Variants in TLN2 observed in about 807,000 individuals in gnomAD.
TLN2 encodes talin-2.
A neutral mutation model predicts 294.7 loss-of-function variants in TLN2; 118 were observed. That is an observed-to-expected ratio of 0.40 (90% CI 0.34 to 0.47). The LOEUF is 0.47. Among genes scored for constraint, TLN2 ranks in the 20% least tolerant of loss-of-function variants. The pLI is 0.84. For missense variants in TLN2, 3,083 were observed against 3,282.2 expected (o/e 0.94, Z 1.48); for synonymous variants, 1,431 against 1,304.5 (o/e 1.10, Z -2.09).
chr15:62,597,836 A>G (rs35909407), intron 2 of TLN2, among the ~76,000 whole-genome samples: 42,222 of 152,138 alleles, frequency 0.28, 6,139 homozygotes, highest in East Asian at 0.43. Context: ...AATTTTATAC[A>G]TCATTTAAAA....
chr15:62,740,941 CAT>C (rs1396009715), intron 32 of TLN2, among the ~76,000 whole-genome samples, 172 bp downstream of exon 32: 2 of 152,312 alleles, frequency 1.3e-5, no homozygotes, highest in East Asian at 3.9e-4. Flanking sequence ...AAAACTGGCT[CAT>C]TTCCATGTTC....
intron 45 of TLN2, among the ~76,000 whole-genome samples, chr15:62,790,134 C>A (rs955563311): frequency 1.1e-4 from 16 of 152,208 alleles, no homozygotes; most frequent in African/African-American, 3.9e-4. Context: ...GTCACCAAAG[C>A]AAAACACAGA....
intron 1 of TLN2, among the ~76,000 whole-genome samples, chr15:62,391,665 G>A (rs1399808216): frequency 6.6e-6 from 1 of 152,158 alleles, no homozygotes; most frequent in Non-Finnish European, 1.5e-5. Flanking sequence ...GCGCGGAGGC[G>A]GCCGCACAAG....
At chr15:62,659,539 C>T (rs1314557502) in intron 9 of TLN2, among the ~76,000 whole-genome samples, 1 of 152,184 alleles carries the variant, frequency 6.6e-6, no homozygotes, top group Non-Finnish European at 1.5e-5. Flanking sequence ...AAAATTAGGT[C>T]CTGCAGTTTG....
At chr15:62,703,196 G>C (rs991557528) in intron 19 of TLN2, among the ~76,000 whole-genome samples, 1 of 151,466 alleles carries the variant, frequency 6.6e-6, no homozygotes, top group East Asian at 1.9e-4. Context: ...TCCATCTCCC[G>C]GGTTCAAGCA....
At position 62,417,464 on chromosome 15, in the gene TLN2, A is replaced by T. The variant is rs139437578; in HGVS notation, c.-238+26779A>T. On this transcript the variant is annotated intron_variant, in intron 1 of 58. Transcript: ENST00000636159. The stretch of plus-strand genomic sequence containing the variant: ...TTGCTTTACTGTGTCCTCATTAAGG[A>T]CTTTCCAAGAAACTTTGAGTTAAAT... Among the ~76,000 whole-genome samples the T allele has an allele frequency of 2.7e-3, 410 of 152,298 alleles. 1 individual carries two copies. Among genetic ancestry groups the T allele is most frequent in the Middle Eastern group, 0.02 (6 of 294 alleles).
At chr15:62,740,161 T>C (rs761703082) in intron 31 of TLN2, among the ~76,000 whole-genome samples, 1 of 152,100 alleles carries the variant, frequency 6.6e-6, no homozygotes, top group African/African-American at 2.4e-5. Flanking sequence ...GTGAGAAATG[T>C]GTGCTTTCCC....
chr15:62,573,119 A>G lies in TLN2; in HGVS notation c.-237-16568A>G, dbSNP rs112972918. Among the ~76,000 whole-genome samples, 72 of 152,178 alleles carry G rather than the reference A, an allele frequency of 4.7e-4. No homozygotes were observed. In the Middle Eastern group the frequency reaches 0.01, roughly 22 times the overall value. On this transcript the variant is annotated intron_variant, in intron 1 of 58. Coordinates refer to ENST00000636159, the MANE Select transcript of TLN2 (RefSeq NM_015059.3). ...CTTCCAATCAGCATCCGGTGTTTAT[A>G]ACCACATCCTGAGCCAGGTGTGGTT...
At chr15:62,655,263 A>G (rs1428815952) in intron 7 of TLN2, among the ~76,000 whole-genome samples, 4 of 152,136 alleles carry the variant, frequency 2.6e-5, no homozygotes, top group Non-Finnish European at 4.4e-5. Context: ...TTAACCCACA[A>G]TGTGTTTGAA....
At chr15:62,762,834 A>G (rs947867948) in intron 39 of TLN2, among the ~76,000 whole-genome samples, 2 of 152,184 alleles carry the variant, frequency 1.3e-5, no homozygotes, top group Non-Finnish European at 2.9e-5. Flanking sequence ...GAGTTTAGTC[A>G]TTGAGCACCG....
intron 1 of TLN2, among the ~76,000 whole-genome samples, chr15:62,571,647 G>A (rs930613015): frequency 1.3e-5 from 2 of 152,236 alleles, no homozygotes; most frequent in East Asian, 1.9e-4. Context: ...TAGAGGCAAT[G>A]GTAGGCTCCC....
chr15:62,592,684 A>G (rs529291043), intron 2 of TLN2, among the ~76,000 whole-genome samples: 5 of 152,254 alleles, frequency 3.3e-5, no homozygotes, highest in Non-Finnish European at 7.3e-5. Flanking sequence ...TGAACAATGT[A>G]ACCAATCAAT....
chr15:62,770,626 G>A (rs2063296660), intron 41 of TLN2, among the ~76,000 whole-genome samples: 1 of 152,094 alleles, frequency 6.6e-6, no homozygotes, highest in Non-Finnish European at 1.5e-5. Flanking sequence ...TTCCTCCTGA[G>A]TTTGTAAGAT....
At position 62,736,901 on chromosome 15, in the gene TLN2, C is replaced by T; in HGVS notation, c.3382C>T (p.Gln1128Ter). 1 of 1,614,152 alleles carries T rather than the reference C, an allele frequency of 6.2e-7. No homozygotes were observed. The highest frequency in any genetic ancestry group is 8.5e-7 in the Non-Finnish European group (1 of 1,180,026). ...AGGGGTGGCTGCTAGAGAGACGGCCCAAGCTCTGAAAACACTGGCCCAGGC... is the reference window on the plus strand; with the variant it reads ...AGGGGTGGCTGCTAGAGAGACGGCCTAAGCTCTGAAAACACTGGCCCAGGC... Reference protein sequence around the residue: ...YTGVAARETAQALKTLAQAAR... With the variant: ...YTGVAARETA Residue 1128 changes from glutamine (Q) to a stop codon, truncating the protein, a stop_gained, in exon 29 of 59, where the codon CAA becomes TAA. Coordinates refer to ENST00000636159, the MANE Select transcript of TLN2 (RefSeq NM_015059.3). LOFTEE classifies it high-confidence loss of function.
intron 2 of TLN2, among the ~76,000 whole-genome samples, chr15:62,614,862 G>A (rs904821525): frequency 3.9e-5 from 6 of 152,062 alleles, no homozygotes; most frequent in African/African-American, 7.2e-5. Flanking sequence ...GCTCTGTGCA[G>A]TGGTGCCATC....
At chr15:62,607,067 C>G (rs377471876) in intron 2 of TLN2, among the ~76,000 whole-genome samples, 1 of 152,312 alleles carries the variant, frequency 6.6e-6, no homozygotes, top group South Asian at 2.1e-4. Context: ...GGTTGGGCCA[C>G]TCATGCCTCT....
intron 5 of TLN2, among the ~76,000 whole-genome samples, chr15:62,650,619 C>T (rs536548738): frequency 1.5e-4 from 23 of 152,188 alleles, no homozygotes; most frequent in African/African-American, 5.5e-4. Flanking sequence ...TAATAATGAT[C>T]AGTAGTAGTA....
At chr15:62,420,232 G>T (rs2034311508) in intron 1 of TLN2, among the ~76,000 whole-genome samples, 1 of 152,122 alleles carries the variant, frequency 6.6e-6, no homozygotes, top group Non-Finnish European at 1.5e-5. Flanking sequence ...ATTTTTAAAT[G>T]CTTAATTTAA....
intron 1 of TLN2, among the ~76,000 whole-genome samples, chr15:62,420,465 C>G (rs1333839901): frequency 6.6e-6 from 1 of 151,684 alleles, no homozygotes; most frequent in African/African-American, 2.4e-5. Flanking sequence ...GGCGTGGTCT[C>G]GGCTCACTGC....
Sources: gnomAD v4.1 joint callset for allele counts (sites outside exome capture counted in the v4.1 genomes callset) on GRCh38, gnomAD v4.1.1 for gene constraint, MANE v1.5 for transcripts, NCBI Gene and HGNC (gene_info 2026-07-23, HGNC 2026-07-21) for gene names.